The following ATP6V0E1 variants were observed in gnomAD, a reference collection of about 807,000 sequenced individuals.
The protein encoded by ATP6V0E1 is ATPase H+ transporting V0 subunit e1, also known as V-type proton ATPase subunit e 1.
In ATP6V0E1, 4 loss-of-function variants were observed where a neutral mutation model predicts 11.6. The observed-to-expected ratio is 0.35, with a 90% CI of 0.17 to 0.79. ATP6V0E1 has a LOEUF of 0.79. Ranked by LOEUF, ATP6V0E1 falls within the 30% of genes least tolerant of loss-of-function variation. The pLI is 0.54. For synonymous variants in ATP6V0E1, 36 were observed against 34.8 expected (o/e 1.04, Z -0.13); for missense variants, 105 against 100.0 (o/e 1.05, Z -0.21).
chr5:172,992,892 A>C (rs1468495528), intron 1 of ATP6V0E1, among the ~76,000 whole-genome samples: 1 of 151,944 alleles, frequency 6.6e-6, no homozygotes, highest in East Asian at 1.9e-4. Context: ...CTGCCTCCCA[A>C]GTTCAAGTGA....
intron 2 of ATP6V0E1, among the ~76,000 whole-genome samples, chr5:173,003,560 C>T (rs561167897): frequency 2.6e-5 from 4 of 152,228 alleles, no homozygotes; most frequent in Non-Finnish European, 4.4e-5. Context: ...CAGGAACACC[C>T]GTCAGGAAGT....
chr5:173,012,038 A>ATTTTTT (rs34022628), intron 2 of ATP6V0E1, among the ~76,000 whole-genome samples: 1 of 138,752 alleles, frequency 7.2e-6, no homozygotes, highest in African/African-American at 2.7e-5. Context: ...TCCTAGGTAA[A>ATTTTTT]TTTTTTTTTT....
chr5:173,030,432 C>T (rs1176637742), intron 3 of ATP6V0E1, among the ~76,000 whole-genome samples: 1 of 147,870 alleles, frequency 6.8e-6, no homozygotes, highest in African/African-American at 2.5e-5. Flanking sequence ...TCTTCATTGT[C>T]AGTTTTTTGT....
At chr5:173,022,698 A>G (rs1009462914) in intron 3 of ATP6V0E1, among the ~76,000 whole-genome samples, 2 of 152,002 alleles carry the variant, frequency 1.3e-5, no homozygotes, top group Admixed American at 6.6e-5. Flanking sequence ...CAGTGGCACC[A>G]TCATGGCTTA....
chr5:172,999,441 A>G (rs1756119714), intron 2 of ATP6V0E1, among the ~76,000 whole-genome samples: 1 of 151,956 alleles, frequency 6.6e-6, no homozygotes, highest in Non-Finnish European at 1.5e-5. Context: ...TTCCTGCCTC[A>G]GCCTCCTGAG....
intron 3 of ATP6V0E1, among the ~76,000 whole-genome samples, chr5:173,028,533 A>C (rs988897845): frequency 6.6e-6 from 1 of 152,170 alleles, no homozygotes; most frequent in South Asian, 2.1e-4. Flanking sequence ...AAAAATGAGG[A>C]CCAGTTATGA....
At chr5:172,998,961 A>AC (rs1029752660) in intron 2 of ATP6V0E1, among the ~76,000 whole-genome samples, 4 of 152,002 alleles carry the variant, frequency 2.6e-5, no homozygotes, top group Non-Finnish European at 5.9e-5. Context: ...ACACGGTGAA[A>AC]CCCCATCTCT....
At chr5:172,993,684 C>A (rs1581625189) in intron 1 of ATP6V0E1, among the ~76,000 whole-genome samples, 2 of 119,108 alleles carry the variant, frequency 1.7e-5, no homozygotes, top group African/African-American at 3.3e-5. Flanking sequence ...TTGAGACCCC[C>A]CCCCCCGACC....
chr5:173,016,162 T>C (rs1370098887), intron 2 of ATP6V0E1, among the ~76,000 whole-genome samples: 1 of 152,218 alleles, frequency 6.6e-6, no homozygotes, highest in Non-Finnish European at 1.5e-5. Flanking sequence ...TAGAACAACC[T>C]GGGGCTTGCG....
At chr5:172,986,722 C>G (rs1470491396) in intron 1 of ATP6V0E1, 4 of 453,440 alleles carry the variant, frequency 8.8e-6, no homozygotes, top group African/African-American at 4.0e-5. Context: ...CCTGAAACAG[C>G]CCAAGAAGCA....
At chr5:173,016,028 G>T (rs1438325642) in intron 2 of ATP6V0E1, among the ~76,000 whole-genome samples, 1 of 152,104 alleles carries the variant, frequency 6.6e-6, no homozygotes, top group Non-Finnish European at 1.5e-5. Flanking sequence ...CCAGATTGTA[G>T]TATCTTTTAT....
chr5:173,031,167 A>G lies in ATP6V0E1; in HGVS notation c.*37-3232A>G, dbSNP rs192929117. 3.9e-3 allele frequency among the ~76,000 whole-genome samples: 595 copies of G among 151,612 alleles called. 5 individuals are homozygous for G. The highest frequency in any genetic ancestry group is 6.8e-3 in the Non-Finnish European group (465 of 67,954). On this transcript the variant is annotated intron_variant, in intron 3 of 3. Coordinates refer to ENST00000519374, the MANE Select transcript of ATP6V0E1 (RefSeq NM_003945.4). ...CACTGTGTTAGCCAGGATGGTCTCG[A>G]TCTCCTGACCTCATGATCTGCCCGC...
At chr5:173,003,031 CT>C (rs996783972) in intron 2 of ATP6V0E1, among the ~76,000 whole-genome samples, 1 of 151,866 alleles carries the variant, frequency 6.6e-6, no homozygotes, top group Admixed American at 6.6e-5. Flanking sequence ...TTTTTTCTTT[CT>C]TTTTTTTAAG....
intron 2 of ATP6V0E1, among the ~76,000 whole-genome samples, chr5:173,019,196 T>C (rs1004830244): frequency 1.3e-5 from 2 of 152,120 alleles, no homozygotes; most frequent in Non-Finnish European, 2.9e-5. Flanking sequence ...CTTCGAGTGA[T>C]CCTTATCCTC....
intron 2 of ATP6V0E1, among the ~76,000 whole-genome samples, chr5:173,012,032 A>G (rs1340573618): frequency 2.7e-5 from 4 of 148,028 alleles, no homozygotes; most frequent in African/African-American, 2.6e-5. Context: ...ACTGTTTCCT[A>G]GGTAAATTTT....
chr5:173,019,074 C>T (rs980712476), intron 2 of ATP6V0E1, among the ~76,000 whole-genome samples: 2 of 152,152 alleles, frequency 1.3e-5, no homozygotes, highest in Non-Finnish European at 1.5e-5. Context: ...CCACCTCAGC[C>T]TCCTGGGTAG....
intron 2 of ATP6V0E1, among the ~76,000 whole-genome samples, chr5:173,002,866 C>T (rs1486770589): frequency 6.6e-6 from 1 of 151,736 alleles, no homozygotes; most frequent in Non-Finnish European, 1.5e-5. Flanking sequence ...GGGCTTTCTG[C>T]AAATGTAAAG....
chr5:173,022,065 G>A (rs1756495421), intron 3 of ATP6V0E1, among the ~76,000 whole-genome samples: 1 of 152,160 alleles, frequency 6.6e-6, no homozygotes, highest in Non-Finnish European at 1.5e-5. Context: ...TAAGGTTGCA[G>A]CTTCTATTTG....
At chr5:173,016,231 G>A (rs1342307538) in intron 2 of ATP6V0E1, among the ~76,000 whole-genome samples, 1 of 152,152 alleles carries the variant, frequency 6.6e-6, no homozygotes, top group African/African-American at 2.4e-5. Context: ...TGTGAGATCT[G>A]ATGCTGATGC....
Sources: gnomAD v4.1 joint callset for allele counts (sites outside exome capture counted in the v4.1 genomes callset) on GRCh38, gnomAD v4.1.1 for gene constraint, MANE v1.5 for transcripts, NCBI Gene and HGNC (gene_info 2026-07-23, HGNC 2026-07-21) for gene names.